The following DENND2B variants were observed in gnomAD, a reference collection of about 807,000 sequenced individuals.
DENND2B encodes the protein DENN domain containing 2B.
A neutral mutation model predicts 116.0 loss-of-function variants in DENND2B; 32 were observed. The observed-to-expected ratio is 0.28, with a 90% CI of 0.21 to 0.37. DENND2B has a LOEUF of 0.37. Ranked by LOEUF, DENND2B falls within the 10% of genes least tolerant of loss-of-function variation. DENND2B has a pLI of 1.00. For missense variants in DENND2B, 1,276 were observed against 1,477.7 expected (o/e 0.86, Z 2.24); for synonymous variants, 588 against 583.9 (o/e 1.01, Z -0.10).
intron 2 of DENND2B, among the ~76,000 whole-genome samples, chr11:8,750,156 G>C (rs1271388973): frequency 3.3e-5 from 5 of 152,220 alleles, no homozygotes; most frequent in Non-Finnish European, 7.3e-5. Context: ...TTAGAACCTG[G>C]ATTTGAACCA....
At chr11:8,719,344 G>A (rs1463673342) in intron 4 of DENND2B, among the ~76,000 whole-genome samples, 3 of 152,302 alleles carry the variant, frequency 2.0e-5, no homozygotes, top group East Asian at 1.9e-4. Flanking sequence ...GGGTGTGAAG[G>A]AGGGATTTCA....
At chr11:8,734,791 CAAAAAAAAAAAAA>C (rs11339783) in intron 2 of DENND2B, among the ~76,000 whole-genome samples, 1 of 98,536 alleles carries the variant, frequency 1.0e-5, no homozygotes, top group African/African-American at 4.3e-5. Flanking sequence ...ACAAGAGTCT[CAAAAAAAAAAAAA>C]AAAAAAAGAA....
chr11:8,778,915 C>CT (rs1259366658), intron 1 of DENND2B, among the ~76,000 whole-genome samples: 29 of 152,368 alleles, frequency 1.9e-4, no homozygotes, highest in African/African-American at 6.7e-4. Flanking sequence ...CTAAGTTCTA[C>CT]TTTCACGTCT....
At chr11:8,801,997 A>G (rs1335005688) in intron 1 of DENND2B, among the ~76,000 whole-genome samples, 8 of 68,318 alleles carry the variant, frequency 1.2e-4, no homozygotes, top group Non-Finnish European at 1.7e-4. Context: ...CTCTTGGGGA[A>G]AAAAAAAAAA....
chr11:8,781,835 C>T (rs947632603), intron 1 of DENND2B, among the ~76,000 whole-genome samples: 1 of 152,082 alleles, frequency 6.6e-6, no homozygotes, highest in African/African-American at 2.4e-5. Flanking sequence ...TAAAATATTG[C>T]TCAATCTCTT....
At chr11:8,775,501 G>T (rs1363130026) in intron 1 of DENND2B, among the ~76,000 whole-genome samples, 2 of 152,016 alleles carry the variant, frequency 1.3e-5, no homozygotes, top group Non-Finnish European at 2.9e-5. Context: ...ACATTCTAGT[G>T]GCTAATTCCT....
chr11:8,815,416 T>C (rs1212397527), upstream of DENND2B, among the ~76,000 whole-genome samples: 2 of 152,102 alleles, frequency 1.3e-5, no homozygotes, highest in Non-Finnish European at 2.9e-5. Flanking sequence ...CCCACCCAAA[T>C]CTGAAATCCT....
chr11:8,699,986 A>G (rs2041226124), intron 14 of DENND2B: 1 of 456,138 alleles, frequency 2.2e-6, no homozygotes, highest in African/African-American at 2.0e-5. Flanking sequence ...CCCTCCCAGA[A>G]TGGTCCTGGA....
chr11:8,910,122 T>G (rs1400401292), intron 1 of DENND2B, among the ~76,000 whole-genome samples: 8 of 151,732 alleles, frequency 5.3e-5, no homozygotes, highest in African/African-American at 1.9e-4. Context: ...TCCAAAAATA[T>G]GTGAATCCGT....
intron 4 of DENND2B, among the ~76,000 whole-genome samples, chr11:8,826,252 C>T (rs568225073): frequency 6.6e-6 from 1 of 152,112 alleles, no homozygotes; most frequent in South Asian, 2.1e-4. Context: ...TCTGACCATC[C>T]GAGCTTTATC....
At chr11:8,716,330 G>A (rs2044774418) in intron 5 of DENND2B, among the ~76,000 whole-genome samples, 1 of 152,180 alleles carries the variant, frequency 6.6e-6, no homozygotes, top group Admixed American at 6.5e-5. Flanking sequence ...CACCAAAGCT[G>A]GGCCAGGCAG....
intron 1 of DENND2B, among the ~76,000 whole-genome samples, chr11:8,895,334 C>T (rs2064087170): frequency 6.6e-6 from 1 of 152,200 alleles, no homozygotes; most frequent in East Asian, 1.9e-4. Context: ...CAACATGGCA[C>T]ATGTATACAT....
rs1336116502 is a variant in DENND2B at position 8,707,281 on chromosome 11, C to T, written c.2431-56G>A. 1.3e-6 allele frequency: 2 copies of T among 1,566,652 alleles called. No individual in the cohort carries two copies. The highest frequency in any genetic ancestry group is 1.8e-5 in the Admixed American group (1 of 55,564). On this transcript the variant is annotated intron_variant, in intron 12 of 19. Coordinates refer to ENST00000313726, the MANE Select transcript of DENND2B (RefSeq NM_213618.2). This position sits in a 1 kb window ranked among gnomAD's most constrained non-coding sequence, Gnocchi z 4.8. ...AGGGTGTCAGGGCACTGCCCTTCCC[C>T]CTCCTGGCAGAGAAGAGGGCAGCCA...
chr11:8,863,840 T>C (rs899146561), intron 2 of DENND2B, among the ~76,000 whole-genome samples: 8 of 152,222 alleles, frequency 5.3e-5, no homozygotes, highest in Admixed American at 3.3e-4. Flanking sequence ...CATACAATTA[T>C]ACTATTTTCA....
chr11:8,873,016 T>C (rs185748762), upstream of DENND2B, among the ~76,000 whole-genome samples: 1 of 152,310 alleles, frequency 6.6e-6, no homozygotes, highest in East Asian at 1.9e-4. Context: ...ATTAGGATGG[T>C]TCTGCCCCAA....
Position 8,712,023 on chromosome 11 carries a change from G to T in DENND2B, c.2172+528C>A. 4.4e-6 allele frequency: 2 copies of T among 455,758 alleles called. No homozygotes were observed. 28.2% of individuals were successfully genotyped at this position (455,758 alleles called of 1,614,324 possible). ...GAGCCAGCAGCCACGTGAAGAGCTGGAGAAAGCACATTCCTGGCAGAGGCA... is the reference window on the plus strand; with the variant it reads ...GAGCCAGCAGCCACGTGAAGAGCTGTAGAAAGCACATTCCTGGCAGAGGCA... On this transcript the variant is annotated intron_variant, in intron 9 of 19. Coordinates refer to ENST00000313726, the MANE Select transcript of DENND2B (RefSeq NM_213618.2). This position sits in a 1 kb window ranked among gnomAD's most constrained non-coding sequence, Gnocchi z 4.4.
intron 3 of DENND2B, among the ~76,000 whole-genome samples, chr11:8,844,546 G>A (rs2062738729): frequency 1.1e-5 from 1 of 90,658 alleles, no homozygotes; most frequent in African/African-American, 3.8e-5. Context: ...TTTATACTAT[G>A]CCTTTTTGTT....
chr11:8,890,681 A>G (rs10769969), intron 1 of DENND2B, among the ~76,000 whole-genome samples: 53,420 of 151,986 alleles, frequency 0.35, 10,701 homozygotes, highest in Non-Finnish European at 0.44. Context: ...TGAGAAGAGA[A>G]GTTTAGAGAA....
At position 8,769,549 on chromosome 11, in the gene DENND2B, T is replaced by C. The variant is rs377023166; in HGVS notation, c.-25-18824A>G. On this transcript the variant is annotated intron_variant, in intron 1 of 19. Transcript: ENST00000313726. Reference sequence around the variant, plus strand: ...TGCTGGGATTACAGGTGTGAACCACTGCGCCTGGTCATAAAGCAACTTCTA... The same window carrying C: ...TGCTGGGATTACAGGTGTGAACCACCGCGCCTGGTCATAAAGCAACTTCTA... Among the ~76,000 whole-genome samples, 663 of 152,210 alleles carry C rather than the reference T, an allele frequency of 4.4e-3. 6 individuals carry two copies. Among genetic ancestry groups the C allele is most frequent in the Non-Finnish European group, 6.5e-3 (445 of 67,992 alleles).
Sources: allele counts gnomAD v4.1 joint callset (sites outside exome capture counted in the v4.1 genomes callset), GRCh38; gene constraint gnomAD v4.1.1; non-coding constraint Gnocchi (gnomAD v3.1); transcripts MANE v1.5; gene names NCBI Gene and HGNC (gene_info 2026-07-23, HGNC 2026-07-21).